Variants in PLG observed in about 807,000 individuals in gnomAD.
PLG encodes the protein plasminogen.
A neutral mutation model predicts 104.4 loss-of-function variants in PLG; 41 were observed. The ratio of observed to expected loss-of-function variants is 0.39; its 90% CI spans 0.31 to 0.51. The LOEUF (loss-of-function observed/expected upper bound fraction) is 0.51, where lower values mean the gene tolerates loss of function less well. PLG is among the 20% of genes least tolerant of loss of function. The probability of loss-of-function intolerance (pLI) is 0.76; values close to 1 mark genes in which losing one functional copy is unlikely to be tolerated. For synonymous variants in PLG, 337 were observed against 357.1 expected (o/e 0.94, Z 0.63); for missense variants, 891 against 1,003.6 (o/e 0.89, Z 1.52).
rs1777825205 is a variant in PLG at position 160,721,386 on chromosome 6, C to T, written c.1097-1022C>T. Among the ~76,000 whole-genome samples the T allele has an allele frequency of 2.0e-5, 3 of 152,256 alleles. No individual in the cohort carries two copies. The South Asian group carries it at 6.2e-4, about 32-fold the overall frequency. On this transcript the variant is annotated intron_variant, in intron 9 of 18. Transcript: ENST00000308192. ...ACACCCTTGTCTTGCAAATATATAT[C>T]GTGGATAATTGAGTCAATGTAGTCA... is the stretch of plus-strand genomic sequence containing the variant.
At chr6:160,729,485 C>G (rs939743770) in intron 10 of PLG, among the ~76,000 whole-genome samples, 1 of 152,096 alleles carries the variant, frequency 6.6e-6, no homozygotes, top group African/African-American at 2.4e-5. Context: ...ACTACAAGGT[C>G]AATCAATGAG....
Position 160,735,300 on chromosome 6 carries a change from A to G in PLG, c.1681+1212A>G, listed in dbSNP as rs192271806. Among the ~76,000 whole-genome samples the G allele has an allele frequency of 6.8e-4, 103 of 152,132 alleles. No homozygotes were observed. Among genetic ancestry groups the G allele is most frequent in the African/African-American group, 2.2e-3 (93 of 41,494 alleles). On this transcript the variant is annotated intron_variant, in intron 13 of 18. Coordinates refer to ENST00000308192, the MANE Select transcript of PLG (RefSeq NM_000301.5). This position sits in a 1 kb window ranked among gnomAD's most constrained non-coding sequence, Gnocchi z 5.4. ...TCCTTGACAGGCTGCCTTGAAGTTG[A>G]GCCCAGACTGATTTTCTTGCCTCAG... is the stretch of plus-strand genomic sequence containing the variant.
At chr6:160,747,176 G>C (rs1295002068) in intron 17 of PLG, among the ~76,000 whole-genome samples, 1 of 152,196 alleles carries the variant, frequency 6.6e-6, no homozygotes, top group Non-Finnish European at 1.5e-5. Context: ...GTTAAACAGG[G>C]GACCTACAAC....
chr6:160,717,149 G>C (rs1321201), intron 7 of PLG, among the ~76,000 whole-genome samples: 52,969 of 151,212 alleles, frequency 0.35, 9,749 homozygotes, highest in East Asian at 0.45. Context: ...GAGTGTCTTT[G>C]TTTACAATGT....
In PLG at chr6:160,737,204, C is replaced by CA. The variant is rs1401302161; in HGVS notation, c.1802+202dup. On this transcript the variant is annotated intron_variant, in intron 14 of 18. Transcript: ENST00000308192. This position sits in a 1 kb window ranked among gnomAD's most constrained non-coding sequence, Gnocchi z 4.7. Reference sequence around the variant, plus strand: ...TATAGGTTCTCTACTGTGAAAATGACAAAAATTGCTGTCTTTTTCTTGATC... The same window carrying CA: ...TATAGGTTCTCTACTGTGAAAATGACAAAAAATTGCTGTCTTTTTCTTGATC... 6.6e-6 allele frequency among the ~76,000 whole-genome samples: 1 copy of CA among 152,054 alleles called. No individual in the cohort carries two copies. The highest frequency in any genetic ancestry group is 2.4e-5 in the African/African-American group (1 of 41,398).
chr6:160,706,007 C>T, intron 1 of PLG: 1 of 215,988 alleles, frequency 4.6e-6, no homozygotes, highest in Non-Finnish European at 9.3e-6. Flanking sequence ...AACTGTTTTT[C>T]TTTGTTTTAT....
intron 7 of PLG, among the ~76,000 whole-genome samples, chr6:160,717,006 G>C (rs189302247): frequency 6.0e-4 from 92 of 152,286 alleles, no homozygotes; most frequent in African/African-American, 2.2e-3. Context: ...TTCTGCCTCA[G>C]GAGTTCACTG....
rs1472238075 is a variant in PLG at position 160,722,567 on chromosome 6, C to A, written c.1256C>A (p.Ala419Asp). Residue 419 changes from alanine (A) to aspartate (D), a missense_variant and splice_region_variant, in exon 10 of 19, where the codon GCT (alanine) becomes GAT (aspartate). This residue lies in a region of PLG where 854 missense variants were observed against 932.1 expected (regional missense o/e 0.92). Transcript: ENST00000308192. The stretch of plus-strand genomic sequence containing the variant: ...AAGACCCCAGAAAACTACCCAAATG[C>A]GTATGTCTTTGATTTTTACTGTAAG... ...HQKTPENYPNAGLTMNYCRNP... is the reference protein window; with the variant it reads ...HQKTPENYPNDGLTMNYCRNP... 2 of 1,612,816 alleles carry A rather than the reference C, an allele frequency of 1.2e-6. No individual in the cohort carries two copies. Among genetic ancestry groups the A allele is most frequent in the Non-Finnish European group, 1.7e-6 (2 of 1,179,052 alleles).
chr6:160,748,374 A>AAGAGAGAGAGAGAGAGAGAG (rs1331475547), intron 17 of PLG, among the ~76,000 whole-genome samples: 5 of 55,376 alleles, frequency 9.0e-5, no homozygotes, highest in East Asian at 1.9e-3. Context: ...GAAAGAAAGA[A>AAGAGAGAGAGAGAGAGAGAG]AGAAAGAAAG....
rs1261633422 is a variant in PLG at position 160,726,721 on chromosome 6, G to T, written c.1256+4154G>T. On this transcript the variant is annotated intron_variant, in intron 10 of 18. Coordinates refer to ENST00000308192, the MANE Select transcript of PLG (RefSeq NM_000301.5). The surrounding 1 kb of genome is among the most constrained non-coding windows in gnomAD (Gnocchi z 4.4). Reference sequence around the variant, plus strand: ...AATAAAATGTGTGATTGTCTATTATGTTTAAAAACATTCTCAGTTTTGGAT... The same window carrying T: ...AATAAAATGTGTGATTGTCTATTATTTTTAAAAACATTCTCAGTTTTGGAT... Among the ~76,000 whole-genome samples the T allele has an allele frequency of 1.3e-5, 2 of 151,848 alleles. No homozygotes were observed. The highest frequency in any genetic ancestry group is 4.8e-5 in the African/African-American group (2 of 41,376).
At position 160,753,209 on chromosome 6, in the gene PLG, T is replaced by C. The variant is rs1368346517; in HGVS notation, c.*148T>C. 1 of 620,990 alleles carries C rather than the reference T, an allele frequency of 1.6e-6. No individual in the cohort carries two copies. The highest frequency in any genetic ancestry group is 2.9e-6 in the Non-Finnish European group (1 of 346,720). 38.5% of individuals were successfully genotyped at this position (620,990 alleles called of 1,614,324 possible). On this transcript the variant is annotated 3_prime_UTR_variant, in exon 19 of 19. Transcript: ENST00000308192. This position sits in a 1 kb window ranked among gnomAD's most constrained non-coding sequence, Gnocchi z 5.4. ...CCAAACCTCGGCATTTTTTGTGTTA[T>C]TTTCTGACTGCTGGATTCTGTAGTA...
At position 160,726,058 on chromosome 6, in the gene PLG, G is replaced by T. The variant is rs963344415; in HGVS notation, c.1256+3491G>T. Among the ~76,000 whole-genome samples the T allele has an allele frequency of 1.3e-5, 2 of 151,774 alleles. No homozygotes were observed. Among genetic ancestry groups the T allele is most frequent in the Admixed American group, 1.3e-4 (2 of 15,250 alleles). On this transcript the variant is annotated intron_variant, in intron 10 of 18. Transcript: ENST00000308192. This position sits in a 1 kb window ranked among gnomAD's most constrained non-coding sequence, Gnocchi z 4.4. ...ACATCTTCCCAAACAAAATATAATA[G>T]AAAAAATACACAAAAAAATCAGAAA...
At chr6:160,742,735 G>A (rs1778215529) in intron 17 of PLG, among the ~76,000 whole-genome samples, 1 of 152,102 alleles carries the variant, frequency 6.6e-6, no homozygotes, top group Admixed American at 6.5e-5. Context: ...CCTATGTCCA[G>A]GATGGTGTTA....
At position 160,744,021 on chromosome 6, in the gene PLG, G is replaced by A. The variant is rs966086490; in HGVS notation, c.2125+2604G>A. On this transcript the variant is annotated intron_variant, in intron 17 of 18. Coordinates refer to ENST00000308192, the MANE Select transcript of PLG (RefSeq NM_000301.5). This position sits in a 1 kb window ranked among gnomAD's most constrained non-coding sequence, Gnocchi z 4.5. The stretch of plus-strand genomic sequence containing the variant: ...CTGGGGATAAAGCCTACTTGATCAC[G>A]ATGGATTGGCTTTTTTATGTGCTGC... Among the ~76,000 whole-genome samples, 24 of 152,200 alleles carry A rather than the reference G, an allele frequency of 1.6e-4. No homozygotes were observed. Among genetic ancestry groups the A allele is most frequent in the Admixed American group, 1.2e-3 (18 of 15,280 alleles).
At position 160,744,801 on chromosome 6, in the gene PLG, A is replaced by C. The variant is rs867837214; in HGVS notation, c.2125+3384A>C. Among the ~76,000 whole-genome samples the C allele has an allele frequency of 6.6e-6, 1 of 152,162 alleles. No individual in the cohort carries two copies. Among genetic ancestry groups the C allele is most frequent in the Admixed American group, 6.5e-5 (1 of 15,276 alleles). On this transcript the variant is annotated intron_variant, in intron 17 of 18. Coordinates refer to ENST00000308192, the MANE Select transcript of PLG (RefSeq NM_000301.5). This position sits in a 1 kb window ranked among gnomAD's most constrained non-coding sequence, Gnocchi z 4.5. ...CTTGATGCTAGCATTTGGTGCTATG[A>C]ATTTCTCTCTTAACACTACCTTAGC...
chr6:160,708,422 G>A (rs1167774036), intron 3 of PLG: 6 of 152,476 alleles, frequency 3.9e-5, no homozygotes, highest in African/African-American at 9.6e-5. Context: ...ATAAGAGGCA[G>A]ACAGGATTTC....
intron 17 of PLG, among the ~76,000 whole-genome samples, chr6:160,750,632 C>G (rs783175): frequency 0.79 from 120,861 of 152,202 alleles, 48,240 homozygotes; most frequent in East Asian, 0.98. Context: ...GCTCTGGAGC[C>G]AGGCGCTGGG....
chr6:160,748,403 AGAAAGAAAG>A (rs1778326915), intron 17 of PLG, among the ~76,000 whole-genome samples: 1 of 74,002 alleles, frequency 1.4e-5, no homozygotes, highest in African/African-American at 4.8e-5. Context: ...AAAGAAAGGA[AGAAAGAAAG>A]AAAGGGAAAG....
At chr6:160,715,511 G>A (rs1046121113) in intron 6 of PLG, among the ~76,000 whole-genome samples, 2 of 152,128 alleles carry the variant, frequency 1.3e-5, no homozygotes, top group Admixed American at 6.5e-5. Context: ...TAAGCTTCTT[G>A]CTCTAGAAAG....
Sources: gnomAD v4.1 joint callset for allele counts (sites outside exome capture counted in the v4.1 genomes callset) on GRCh38, gnomAD v4.1.1 for gene constraint, gnomAD v4.1.1 regional missense constraint, Gnocchi (gnomAD v3.1) non-coding constraint, MANE v1.5 for transcripts, NCBI Gene and HGNC (gene_info 2026-07-23, HGNC 2026-07-21) for gene names.